Variants in AK8 observed in about 807,000 individuals in gnomAD.
AK8 encodes the protein adenylate kinase 8.
In AK8, 44 loss-of-function variants were observed where a neutral mutation model predicts 54.6. The ratio of observed to expected loss-of-function variants is 0.81; its 90% CI spans 0.63 to 1.04. The LOEUF (loss-of-function observed/expected upper bound fraction) is 1.04, where lower values mean the gene tolerates loss of function less well. Ranked by LOEUF, AK8 falls within the 50% of genes least tolerant of loss-of-function variation. The probability of loss-of-function intolerance (pLI) is 0.00; values close to 1 mark genes in which losing one functional copy is unlikely to be tolerated. For missense variants in AK8, 555 were observed against 613.6 expected (o/e 0.90, Z 1.01); for synonymous variants, 239 against 245.6 (o/e 0.97, Z 0.25).
At chr9:132,813,537 C>T (rs1457324279) in intron 10 of AK8, among the ~76,000 whole-genome samples, 7 of 152,228 alleles carry the variant, frequency 4.6e-5, no homozygotes, top group East Asian at 1.9e-4. Context: ...TCACAACAGA[C>T]TTGATAAGTG....
chr9:132,783,752 G>C (rs1420420454), intron 11 of AK8, among the ~76,000 whole-genome samples: 1 of 151,994 alleles, frequency 6.6e-6, no homozygotes, highest in East Asian at 1.9e-4. Context: ...AAAAGGAGAT[G>C]CAAAGAAAGC....
rs755441401 is a variant in AK8 at position 132,814,628 on chromosome 9, C to T, written c.979+10G>A. On this transcript the variant is annotated intron_variant, in intron 10 of 12. Coordinates refer to ENST00000298545, the MANE Select transcript of AK8 (RefSeq NM_152572.3). ...GTAAGGTCATGACAGTTAGTGGGAA[C>T]GTGGCCTACCTGCCATCTCCTTTTC... 40 of 1,613,128 alleles carry T rather than the reference C, an allele frequency of 2.5e-5. No individual in the cohort carries two copies. The Middle Eastern group carries it at 4.9e-4, about 20-fold the overall frequency.
chr9:132,731,300 G>C (rs907633345), intron 11 of AK8, among the ~76,000 whole-genome samples: 6 of 152,190 alleles, frequency 3.9e-5, no homozygotes, highest in Admixed American at 3.9e-4. Context: ...GTTGACAATA[G>C]GTGGACTTGT....
chr9:132,856,054 T>A (rs1363042427), intron 4 of AK8, among the ~76,000 whole-genome samples: 1 of 152,112 alleles, frequency 6.6e-6, no homozygotes, highest in Admixed American at 6.5e-5. Context: ...CACTCTCCCT[T>A]CTCTGCAAAG....
chr9:132,813,602 G>A (rs1841180516), intron 10 of AK8, among the ~76,000 whole-genome samples: 1 of 152,304 alleles, frequency 6.6e-6, no homozygotes, highest in East Asian at 1.9e-4. Context: ...GGAAGGTGTG[G>A]GTGCGTGAGT....
intron 9 of AK8, among the ~76,000 whole-genome samples, chr9:132,818,926 A>G (rs954033805): frequency 1.3e-5 from 2 of 152,232 alleles, no homozygotes; most frequent in Non-Finnish European, 2.9e-5. Flanking sequence ...GATAGTTTAA[A>G]AGAAAAAGAA....
intron 10 of AK8, among the ~76,000 whole-genome samples, chr9:132,797,434 G>A (rs1003712030): frequency 1.1e-4 from 16 of 152,130 alleles, no homozygotes; most frequent in African/African-American, 3.9e-4. Flanking sequence ...CAGGTCCTGC[G>A]GCAACAGAAA....
At chr9:132,784,420 G>A (rs551706841) in intron 11 of AK8, among the ~76,000 whole-genome samples, 1 of 152,338 alleles carries the variant, frequency 6.6e-6, no homozygotes, top group South Asian at 2.1e-4. Context: ...TCAGGAGGCT[G>A]AGGCAGGAGA....
chr9:132,855,029 C>T, intron 4 of AK8, 104 bp from the exon 5 acceptor site: 1 of 1,188,004 alleles, frequency 8.4e-7, no homozygotes, highest in Non-Finnish European at 1.2e-6. Context: ...CTCTGGAAAG[C>T]ACCGACCACC....
chr9:132,775,291 T>A (rs947313537), intron 11 of AK8, among the ~76,000 whole-genome samples: 1 of 151,906 alleles, frequency 6.6e-6, no homozygotes, highest in Non-Finnish European at 1.5e-5. Context: ...TGTGTCTGTT[T>A]ATTTTATTTT....
chr9:132,859,703 T>C (rs1843311543), intron 4 of AK8, among the ~76,000 whole-genome samples: 1 of 151,642 alleles, frequency 6.6e-6, no homozygotes, highest in Admixed American at 6.6e-5. Flanking sequence ...TTGTGGTGTT[T>C]ATGATGTTGA....
intron 10 of AK8, among the ~76,000 whole-genome samples, chr9:132,806,480 G>C (rs1374313331): frequency 6.6e-6 from 1 of 152,058 alleles, no homozygotes; most frequent in East Asian, 1.9e-4. Context: ...GCAAAGGCTT[G>C]CTGGAAACGG....
chr9:132,825,347 C>A (rs1034397623), intron 8 of AK8, among the ~76,000 whole-genome samples: 2 of 152,184 alleles, frequency 1.3e-5, no homozygotes, highest in African/African-American at 2.4e-5. Context: ...CAGACACTCA[C>A]ATTTTTATTT....
chr9:132,797,869 G>C (rs1840249207), intron 10 of AK8, among the ~76,000 whole-genome samples: 1 of 152,232 alleles, frequency 6.6e-6, no homozygotes, highest in Non-Finnish European at 1.5e-5. Flanking sequence ...CAGCCGTCCT[G>C]TAACTCCACC....
intron 11 of AK8, among the ~76,000 whole-genome samples, chr9:132,767,201 C>A (rs981584408): frequency 2.0e-4 from 31 of 152,110 alleles, no homozygotes; most frequent in Non-Finnish European, 1.5e-4. Flanking sequence ...CCTATGGAAT[C>A]AAAGGAAGTA....
chr9:132,868,487 T>TCCCAGCA (rs1843686011), intron 2 of AK8, among the ~76,000 whole-genome samples: 2 of 152,036 alleles, frequency 1.3e-5, no homozygotes, highest in Non-Finnish European at 2.9e-5. Flanking sequence ...TGTCCTCCCT[T>TCCCAGCA]CCCAGCACCC....
chr9:132,878,339 C>A (rs1490831471), upstream of AK8: 1 of 1,286,878 alleles, frequency 7.8e-7, no homozygotes, highest in Non-Finnish European at 9.9e-7. The surrounding 1 kb of genome is among the most constrained non-coding windows in gnomAD (Gnocchi z 4.7). Context: ...CGCCGCGGCC[C>A]CGCCCTGCAG....
In AK8 at chr9:132,790,795, T is replaced by A. The variant is rs927625699; in HGVS notation, c.1121+1839A>T. On this transcript the variant is annotated intron_variant, in intron 11 of 12. Coordinates refer to ENST00000298545, the MANE Select transcript of AK8 (RefSeq NM_152572.3). This position sits in a 1 kb window ranked among gnomAD's most constrained non-coding sequence, Gnocchi z 4.1. ...ACCTGTAAAACCCAAGAGAATCAAC[T>A]GAAAAACTATCCAAAACAGTAAGAG... Among the ~76,000 whole-genome samples, 1 of 152,066 alleles carries A rather than the reference T, an allele frequency of 6.6e-6. No homozygotes were observed. The highest frequency in any genetic ancestry group is 2.4e-5 in the African/African-American group (1 of 41,404).
At chr9:132,809,321 G>C (rs970847336) in intron 10 of AK8, among the ~76,000 whole-genome samples, 1 of 152,160 alleles carries the variant, frequency 6.6e-6, no homozygotes, top group African/African-American at 2.4e-5. Context: ...TCCAGTTTCA[G>C]GAGGCAGGGC....
Sources: gnomAD v4.1 joint callset for allele counts (sites outside exome capture counted in the v4.1 genomes callset) on GRCh38, gnomAD v4.1.1 for gene constraint, Gnocchi (gnomAD v3.1) non-coding constraint, MANE v1.5 for transcripts, NCBI Gene and HGNC (gene_info 2026-07-23, HGNC 2026-07-21) for gene names.